CSMD1: variants seen among roughly 807,000 people sequenced by gnomAD.
The protein encoded by CSMD1 is CUB and sushi domain-containing protein 1.
CSMD1 carries 213 observed loss-of-function variants against 417.5 expected under a neutral mutation model. The observed-to-expected ratio is 0.51, with a 90% CI of 0.46 to 0.57. The LOEUF (loss-of-function observed/expected upper bound fraction) is 0.57. Among genes scored for constraint, CSMD1 ranks in the 20% least tolerant of loss-of-function variants. The probability of loss-of-function intolerance (pLI) is 0.00; values close to 1 mark genes in which losing one functional copy is unlikely to be tolerated. For synonymous variants in CSMD1, 2,862 were observed against 1,736.8 expected, an observed-to-expected ratio of 1.65 and a Z score of -16.11; for missense variants, 6,923 against 4,529.7, an observed-to-expected ratio of 1.53 and a Z score of -15.17.
chr8:4,386,144 G>C (rs1011708961), intron 3 of CSMD1, among the ~76,000 whole-genome samples: 7 of 152,054 alleles, frequency 4.6e-5, no homozygotes, highest in Non-Finnish European at 7.4e-5. Context: ...TCCGTCCCTG[G>C]TTATGACTTC....
intron 1 of CSMD1, among the ~76,000 whole-genome samples, chr8:4,715,076 A>G (rs895296277): frequency 6.6e-6 from 1 of 152,188 alleles, no homozygotes; most frequent in Non-Finnish European, 1.5e-5. Flanking sequence ...CCAGATAATT[A>G]TCCAAAAACA....
chr8:3,299,461 A>G (rs576999948), intron 25 of CSMD1, among the ~76,000 whole-genome samples: 1 of 152,248 alleles, frequency 6.6e-6, no homozygotes, highest in South Asian at 2.1e-4. Flanking sequence ...TCAAAAAAAA[A>G]GGAATGCAAT....
chr8:4,524,289 T>C (rs914384755), intron 2 of CSMD1, among the ~76,000 whole-genome samples: 1 of 149,600 alleles, frequency 6.7e-6, no homozygotes, highest in Non-Finnish European at 1.5e-5. Flanking sequence ...AGTGGACAAA[T>C]ATGTGTTAAC....
chr8:3,845,717 G>C (rs1014840244), intron 5 of CSMD1, among the ~76,000 whole-genome samples: 14 of 152,146 alleles, frequency 9.2e-5, no homozygotes, highest in Admixed American at 2.6e-4. Context: ...TAAAGTTTTT[G>C]ATTTTTCATC....
chr8:4,474,933 T>C (rs758360757), intron 2 of CSMD1, among the ~76,000 whole-genome samples: 1 of 152,224 alleles, frequency 6.6e-6, no homozygotes, highest in Non-Finnish European at 1.5e-5. Flanking sequence ...AATGTGTTAA[T>C]TGACGGTTTG....
At chr8:4,687,483 A>G (rs1806467272) in intron 1 of CSMD1, among the ~76,000 whole-genome samples, 1 of 152,224 alleles carries the variant, frequency 6.6e-6, no homozygotes, top group African/African-American at 2.4e-5. Context: ...TTTAGAAGCA[A>G]ATTGTAGAAG....
At chr8:4,664,334 C>G (rs2617023) in intron 1 of CSMD1, among the ~76,000 whole-genome samples, 3 of 151,982 alleles carry the variant, frequency 2.0e-5, no homozygotes, top group East Asian at 1.9e-4. Flanking sequence ...CTGAGGCGGG[C>G]GGATCACTTG....
In CSMD1 at chr8:4,928,039, G is replaced by A. The variant is rs111382715; in HGVS notation, c.85+66293C>T. Among the ~76,000 whole-genome samples the A allele has an allele frequency of 8.7e-3, 1,326 of 152,230 alleles. 23 individuals are homozygous for A. The highest frequency in any genetic ancestry group is 0.027 in the African/African-American group (1,112 of 41,520). On this transcript the variant is annotated intron_variant, in intron 1 of 69. Coordinates refer to ENST00000635120, the MANE Select transcript of CSMD1 (RefSeq NM_033225.6). The stretch of plus-strand genomic sequence containing the variant: ...GCGGCAAAAGTAGAAATCCTTCCCT[G>A]ATACAGGATGCTCACCAGGCCTGGC...
chr8:4,429,147 G>T (rs1488473425), intron 2 of CSMD1, among the ~76,000 whole-genome samples: 1 of 150,228 alleles, frequency 6.7e-6, no homozygotes, highest in African/African-American at 2.4e-5. Context: ...ATATATAATT[G>T]GATTATTATA....
chr8:4,440,319 C>G (rs769276003), intron 2 of CSMD1, among the ~76,000 whole-genome samples: 1 of 152,150 alleles, frequency 6.6e-6, no homozygotes, highest in Non-Finnish European at 1.5e-5. Context: ...GCTGGAAAGT[C>G]TATTAACTGG....
intron 1 of CSMD1, among the ~76,000 whole-genome samples, chr8:4,772,997 G>C (rs1427028293): frequency 2.6e-5 from 4 of 152,138 alleles, no homozygotes; most frequent in Admixed American, 2.6e-4. Flanking sequence ...ATGACTTCTA[G>C]CACTGACCAA....
At chr8:4,178,471 A>G (rs1404787841) in intron 3 of CSMD1, among the ~76,000 whole-genome samples, 1 of 151,318 alleles carries the variant, frequency 6.6e-6, no homozygotes, top group Non-Finnish European at 1.5e-5. Flanking sequence ...CACAGCCAAT[A>G]TCATACTGAA....
intron 8 of CSMD1, among the ~76,000 whole-genome samples, chr8:3,600,648 T>G (rs1459664477): frequency 6.6e-6 from 1 of 152,118 alleles, no homozygotes; most frequent in Non-Finnish European, 1.5e-5. Context: ...TGACCCCAGA[T>G]GATAAGAGAC....
intron 5 of CSMD1, among the ~76,000 whole-genome samples, chr8:3,892,962 C>T (rs1807085747): frequency 9.9e-6 from 1 of 101,002 alleles, no homozygotes; most frequent in South Asian, 3.7e-4. Context: ...AGTCTGACCA[C>T]AGTGATAAAA....
intron 3 of CSMD1, among the ~76,000 whole-genome samples, chr8:4,159,596 A>T (rs902666793): frequency 1.3e-5 from 2 of 152,146 alleles, no homozygotes; most frequent in Admixed American, 1.3e-4. Context: ...GACCATTATT[A>T]TTATTATTGT....
chr8:3,359,187 C>G lies in CSMD1; in HGVS notation c.3269G>C (p.Arg1090Pro), dbSNP rs1258440402. Reference sequence around the variant, plus strand: ...TGGCAGAGGTGCACTCCACACACGGCGGCCCCCACCCAGGCAGGTAAGCTT... The same window carrying G: ...TGGCAGAGGTGCACTCCACACACGGGGGCCCCCACCCAGGCAGGTAAGCTT... ...ATKLTCLGGG[R>P]RVWSAPLPRC... Residue 1090 changes from arginine to proline, a missense_variant, in exon 21 of 70, where the codon CGC becomes CCC. Arg to Pro is a moderately radical substitution (Grantham distance 103). Coordinates refer to ENST00000635120, the MANE Select transcript of CSMD1 (RefSeq NM_033225.6). The G allele has an allele frequency of 6.2e-7, 1 of 1,613,982 alleles. No individual in the cohort carries two copies. Among genetic ancestry groups the G allele is most frequent in the South Asian group, 1.1e-5 (1 of 91,082 alleles).
At chr8:4,136,756 T>C (rs907941847) in intron 3 of CSMD1, among the ~76,000 whole-genome samples, 8 of 152,150 alleles carry the variant, frequency 5.3e-5, no homozygotes, top group African/African-American at 1.7e-4. Flanking sequence ...GCATGTGAAT[T>C]ATTTGACTTT....
At chr8:4,584,308 C>T (rs776826649) in intron 2 of CSMD1, among the ~76,000 whole-genome samples, 3 of 151,538 alleles carry the variant, frequency 2.0e-5, no homozygotes, top group South Asian at 2.1e-4. Flanking sequence ...GTGGTGAGAC[C>T]GTCGCCTATC....
At chr8:4,192,895 C>A (rs944845270) in intron 3 of CSMD1, among the ~76,000 whole-genome samples, 5 of 152,176 alleles carry the variant, frequency 3.3e-5, no homozygotes, top group Non-Finnish European at 7.3e-5. Flanking sequence ...CCATAAGTCA[C>A]ACCTTTAAGG....
Sources: allele counts gnomAD v4.1 joint callset (sites outside exome capture counted in the v4.1 genomes callset), GRCh38; gene constraint gnomAD v4.1.1; transcripts MANE v1.5; gene names NCBI Gene and HGNC (gene_info 2026-07-23, HGNC 2026-07-21).